Variants in RAD51B observed in about 807,000 individuals in gnomAD.
RAD51B encodes DNA repair protein RAD51 homolog 2.
A neutral mutation model predicts 42.2 loss-of-function variants in RAD51B; 38 were observed. The observed-to-expected ratio is 0.90, with a 90% CI of 0.70 to 1.18. The LOEUF (loss-of-function observed/expected upper bound fraction) is 1.18. RAD51B is among the 50% of genes most tolerant of loss of function. The pLI is 0.00. For missense variants in RAD51B, 373 were observed against 400.7 expected (o/e 0.93, Z 0.59); for synonymous variants, 154 against 145.2 (o/e 1.06, Z -0.43).
intron 7 of RAD51B, among the ~76,000 whole-genome samples, chr14:68,169,691 T>C (rs1337220502): frequency 1.3e-5 from 2 of 152,186 alleles, no homozygotes; most frequent in Admixed American, 6.5e-5. Flanking sequence ...CAGTTAGTGA[T>C]GCACATTCAT....
In RAD51B at chr14:68,494,219, G is replaced by A. The variant is rs139516163; in HGVS notation, c.1036+25969G>A. Among the ~76,000 whole-genome samples the A allele has an allele frequency of 5.6e-3, 845 of 150,604 alleles. 9 individuals carry two copies. Among genetic ancestry groups the A allele is most frequent in the African/African-American group, 0.019 (788 of 41,102 alleles). The stretch of plus-strand genomic sequence containing the variant: ...CCCTTGAACCTGGGAGGCAGAGGTT[G>A]TAGTGAGCTGAGGTCACGCCATTGC... On this transcript the variant is annotated intron_variant, in intron 10 of 10. Transcript: ENST00000487270.
intron 10 of RAD51B, among the ~76,000 whole-genome samples, chr14:68,629,173 G>A (rs1892167071): frequency 6.6e-6 from 1 of 152,124 alleles, no homozygotes; most frequent in African/African-American, 2.4e-5. Context: ...CCTGAGGTTG[G>A]GACATTGTTC....
intron 8 of RAD51B, among the ~76,000 whole-genome samples, chr14:68,376,911 T>G (rs1028471566): frequency 2.0e-5 from 3 of 152,180 alleles, no homozygotes; most frequent in Non-Finnish European, 4.4e-5. Context: ...GCTTCAGTCG[T>G]TATGTGGGAA....
chr14:68,419,102 AGC>A (rs1285322589), intron 9 of RAD51B, among the ~76,000 whole-genome samples: 3 of 152,206 alleles, frequency 2.0e-5, no homozygotes, highest in Non-Finnish European at 4.4e-5. Flanking sequence ...TGCAGTTTTT[AGC>A]AAGCACTTTG....
intron 7 of RAD51B, among the ~76,000 whole-genome samples, chr14:67,914,267 G>A (rs183024192): frequency 1.3e-5 from 2 of 152,252 alleles, no homozygotes; most frequent in East Asian, 3.9e-4. Context: ...ATAGGTCTGA[G>A]CCCCTGTGCC....
intron 7 of RAD51B, among the ~76,000 whole-genome samples, chr14:68,104,257 A>G (rs1207069776): frequency 6.6e-6 from 1 of 152,156 alleles, no homozygotes; most frequent in Non-Finnish European, 1.5e-5. Flanking sequence ...GCAAATTATT[A>G]TATAATAGAT....
intron 10 of RAD51B, among the ~76,000 whole-genome samples, chr14:68,509,651 G>C (rs1240623329): frequency 6.6e-6 from 1 of 152,214 alleles, no homozygotes; most frequent in Admixed American, 6.5e-5. Flanking sequence ...CTTGTAAGTG[G>C]AATTCTTGCC....
At position 68,129,160 on chromosome 14, in the gene RAD51B, G is replaced by A. The variant is rs559279987; in HGVS notation, c.757-162724G>A. The stretch of plus-strand genomic sequence containing the variant: ...TAACTTATTTGTTTAAGGTTACACA[G>A]CAAGTCCATAGTAGAGCCTAAACTA... On this transcript the variant is annotated intron_variant, in intron 7 of 10. Transcript: ENST00000471583. 2.6e-5 allele frequency among the ~76,000 whole-genome samples: 4 copies of A among 152,308 alleles called. No individual in the cohort carries two copies. In the East Asian group the frequency reaches 7.7e-4, roughly 29 times the overall value.
At chr14:68,353,740 A>AG (rs36115665) in intron 8 of RAD51B, among the ~76,000 whole-genome samples, 1 of 152,204 alleles carries the variant, frequency 6.6e-6, no homozygotes, top group Non-Finnish European at 1.5e-5. Flanking sequence ...CTGTCGCAGC[A>AG]GGGGGAAAGG....
intron 7 of RAD51B, among the ~76,000 whole-genome samples, chr14:67,894,590 A>G (rs1266142002): frequency 6.6e-6 from 1 of 152,224 alleles, no homozygotes; most frequent in African/African-American, 2.4e-5. Context: ...AGAATAAAAT[A>G]AGTATCTTGT....
At chr14:68,066,826 A>G (rs1015069804) in intron 7 of RAD51B, among the ~76,000 whole-genome samples, 4 of 152,204 alleles carry the variant, frequency 2.6e-5, no homozygotes, top group African/African-American at 4.8e-5. Flanking sequence ...GGAAAGAAAT[A>G]TATCTTAATT....
intron 10 of RAD51B, among the ~76,000 whole-genome samples, chr14:68,493,821 A>AGG (rs1303587159): frequency 6.6e-6 from 1 of 152,208 alleles, no homozygotes; most frequent in Non-Finnish European, 1.5e-5. Context: ...CAATTGATGA[A>AGG]CTATAGATGT....
chr14:68,217,106 T>A (rs1265606562), intron 7 of RAD51B, among the ~76,000 whole-genome samples: 1 of 152,176 alleles, frequency 6.6e-6, no homozygotes, highest in Non-Finnish European at 1.5e-5. Context: ...ACCTTCCCAC[T>A]CTAAACTGAA....
At chr14:68,530,584 G>A (rs1003937469) in intron 10 of RAD51B, among the ~76,000 whole-genome samples, 5 of 151,970 alleles carry the variant, frequency 3.3e-5, no homozygotes, top group Non-Finnish European at 1.5e-5. Context: ...AGCAGACAGT[G>A]GAGTAGTATC....
chr14:68,427,128 A>C (rs10145446), intron 9 of RAD51B, among the ~76,000 whole-genome samples: 16,784 of 152,268 alleles, frequency 0.11, 1,545 homozygotes, highest in African/African-American at 0.25. Context: ...CCTAGATTTG[A>C]AAGGATATAT....
At chr14:68,459,630 C>T (rs2085792975) in intron 9 of RAD51B, among the ~76,000 whole-genome samples, 1 of 152,200 alleles carries the variant, frequency 6.6e-6, no homozygotes, top group South Asian at 2.1e-4. Context: ...TCTTGCTGAT[C>T]ATGAGGGAGA....
intron 7 of RAD51B, among the ~76,000 whole-genome samples, chr14:67,891,975 G>A (rs2043233314): frequency 6.6e-6 from 1 of 152,168 alleles, no homozygotes; most frequent in African/African-American, 2.4e-5. Context: ...CTAGACCCTT[G>A]ATGTAGACAT....
chr14:67,975,249 TG>T (rs1315332925), intron 7 of RAD51B, among the ~76,000 whole-genome samples: 4 of 152,188 alleles, frequency 2.6e-5, no homozygotes, highest in Non-Finnish European at 4.4e-5. Flanking sequence ...TAGCACCTAA[TG>T]GGCTCCACCA....
chr14:68,621,811 G>C (rs1035883348), intron 10 of RAD51B, among the ~76,000 whole-genome samples: 4 of 152,168 alleles, frequency 2.6e-5, no homozygotes, highest in African/African-American at 9.7e-5. Flanking sequence ...TCAGCAGCCA[G>C]GGCCCAGCTG....
Sources: gnomAD v4.1 joint callset for allele counts (sites outside exome capture counted in the v4.1 genomes callset) on GRCh38, gnomAD v4.1.1 for gene constraint, MANE v1.5 for transcripts, NCBI Gene and HGNC (gene_info 2026-07-23, HGNC 2026-07-21) for gene names.